The following ZNF469 variants were observed in gnomAD, a reference collection of about 807,000 sequenced individuals.
ZNF469 encodes the protein zinc finger protein 469.
ZNF469 carries 1 observed loss-of-function variant against 1.0 expected under a neutral mutation model. That is an observed-to-expected ratio of 1.00 (90% CI 0.35 to 4.73). ZNF469 has a LOEUF of 4.73. ZNF469 is among the 30% of genes most tolerant of loss of function. The probability of loss-of-function intolerance (pLI) is 0.16; values close to 1 mark genes in which losing one functional copy is unlikely to be tolerated. For missense variants in ZNF469, 6,100 were observed against 5,356.3 expected, an observed-to-expected ratio of 1.14 and a Z score of -4.33; for synonymous variants, 2,703 against 2,363.4, an observed-to-expected ratio of 1.14 and a Z score of -4.17.
rs1395337890 is a variant in ZNF469, at chr16:88,437,632, CACGGGCTGCTGG to C, written c.10164_10175del (p.His3388_Glu3392delinsGln). ...GCTGCTGGCACACCTGGGCGGGGCG[CACGGGCTGCTGG>C]AGCGGCCGGAGCTGCAGCACACGCC... is the stretch of plus-strand genomic sequence containing the variant. On this transcript the variant is annotated inframe_deletion, in exon 3 of 3. Coordinates refer to ENST00000565624, the MANE Select transcript of ZNF469 (RefSeq NM_001367624.2). The C allele has an allele frequency of 6.5e-7, 1 of 1,541,740 alleles. No individual in the cohort carries two copies. The highest frequency in any genetic ancestry group is 1.4e-5 in the African/African-American group (1 of 72,724).
chr16:88,117,665 G>A, the ZNF469 span, among the ~76,000 whole-genome samples: 290 of 152,238 alleles, frequency 1.9e-3, 1 homozygote, highest in African/African-American at 6.6e-3. Context: ...TTCACAAACC[G>A]TGGAGGTGCC....
chr16:88,341,298 C>T, the ZNF469 span, among the ~76,000 whole-genome samples: 2 of 152,186 alleles, frequency 1.3e-5, no homozygotes, highest in African/African-American at 4.8e-5. Flanking sequence ...GTCTATTCTC[C>T]AGGGCCCAGG....
At chr16:88,217,062 T>C in the ZNF469 span, among the ~76,000 whole-genome samples, 3 of 152,258 alleles carry the variant, frequency 2.0e-5, no homozygotes, top group Non-Finnish European at 2.9e-5. Flanking sequence ...ATCTGGATCA[T>C]CTCTGTATCT....
At chr16:88,121,728 C>T in the ZNF469 span, among the ~76,000 whole-genome samples, 2 of 152,180 alleles carry the variant, frequency 1.3e-5, no homozygotes, top group Non-Finnish European at 2.9e-5. Context: ...CTAAATTGGC[C>T]AGGAGGTTGC....
chr16:88,368,153 C>G, the ZNF469 span, among the ~76,000 whole-genome samples: 1 of 152,266 alleles, frequency 6.6e-6, no homozygotes, highest in South Asian at 2.1e-4. Context: ...CACTGGGCCT[C>G]ACTGCTGCCC....
the ZNF469 span, among the ~76,000 whole-genome samples, chr16:88,151,494 C>T: frequency 6.6e-6 from 1 of 152,216 alleles, no homozygotes; most frequent in Non-Finnish European, 1.5e-5. This position sits in a 1 kb window ranked among gnomAD's most constrained non-coding sequence, Gnocchi z 5.4. Flanking sequence ...CACCTGTAAG[C>T]GACTGTCCAA....
At chr16:88,293,947 G>C in the ZNF469 span, among the ~76,000 whole-genome samples, 1 of 152,192 alleles carries the variant, frequency 6.6e-6, no homozygotes, top group African/African-American at 2.4e-5. Context: ...GGAACGGTGT[G>C]AAGACCACGA....
the ZNF469 span, among the ~76,000 whole-genome samples, chr16:88,202,896 G>T: frequency 6.6e-6 from 1 of 152,160 alleles, no homozygotes; most frequent in Non-Finnish European, 1.5e-5. Context: ...GTGGCCTTGA[G>T]GGCTGGAGGT....
At chr16:88,426,890 C>T (rs893480374) in intron 2 of ZNF469, among the ~76,000 whole-genome samples, 1 of 152,176 alleles carries the variant, frequency 6.6e-6, no homozygotes, top group African/African-American at 2.4e-5. Context: ...AAGGCCCTCC[C>T]CATGGCAGGT....
At chr16:88,159,858 GAT>G in the ZNF469 span, among the ~76,000 whole-genome samples, 1 of 152,206 alleles carries the variant, frequency 6.6e-6, no homozygotes, top group Non-Finnish European at 1.5e-5. Context: ...GTCCCTGAGG[GAT>G]AAGAGAGTGA....
the ZNF469 span, among the ~76,000 whole-genome samples, chr16:88,115,297 T>C: frequency 6.6e-6 from 1 of 152,122 alleles, no homozygotes; most frequent in Non-Finnish European, 1.5e-5. Context: ...GCAATAGATA[T>C]ATATTATTTT....
the ZNF469 span, among the ~76,000 whole-genome samples, chr16:88,308,255 G>A: frequency 6.6e-6 from 1 of 152,178 alleles, no homozygotes; most frequent in Non-Finnish European, 1.5e-5. Context: ...CTTTGAAAGT[G>A]GGATGCGTGA....
the ZNF469 span, among the ~76,000 whole-genome samples, chr16:88,305,428 TCA>T: frequency 1.9e-5 from 2 of 106,636 alleles, no homozygotes; most frequent in African/African-American, 7.6e-5. Context: ...ATGCACGCCC[TCA>T]CACACGTGCA....
chr16:88,391,248 G>C (rs1229797434), intron 1 of ZNF469, among the ~76,000 whole-genome samples: 1 of 152,254 alleles, frequency 6.6e-6, no homozygotes, highest in Non-Finnish European at 1.5e-5. Flanking sequence ...CAGGGTCTGG[G>C]TGCCAGCACC....
chr16:88,380,814 CCA>C (rs1202608693), upstream of ZNF469, among the ~76,000 whole-genome samples: 15 of 86,366 alleles, frequency 1.7e-4, no homozygotes, highest in East Asian at 4.5e-4. Context: ...GCACACACAC[CCA>C]GACACACACA....
the ZNF469 span, among the ~76,000 whole-genome samples, chr16:88,310,265 G>A: frequency 1.3e-5 from 2 of 152,186 alleles, no homozygotes; most frequent in African/African-American, 4.8e-5. Context: ...GGCAGGAGAG[G>A]TTGGGGGAGG....
chr16:88,303,736 A>G, the ZNF469 span, among the ~76,000 whole-genome samples: 7 of 152,064 alleles, frequency 4.6e-5, no homozygotes, highest in African/African-American at 9.7e-5. Flanking sequence ...TCTTCAGAAC[A>G]TGTTTGACTC....
the ZNF469 span, among the ~76,000 whole-genome samples, chr16:88,192,775 ATGG>A: frequency 5.3e-4 from 60 of 112,280 alleles, 1 homozygote; most frequent in South Asian, 2.7e-3. Context: ...GATGGTGATG[ATGG>A]TGGTGATAGT....
the ZNF469 span, among the ~76,000 whole-genome samples, chr16:88,196,906 C>T: frequency 0.021 from 3,191 of 152,242 alleles, 73 homozygotes; most frequent in South Asian, 0.059. Context: ...GCATGAGGAG[C>T]GCTGCTTATG....
Sources: gnomAD v4.1 joint callset for allele counts (sites outside exome capture counted in the v4.1 genomes callset) on GRCh38, gnomAD v4.1.1 for gene constraint, Gnocchi (gnomAD v3.1) non-coding constraint, MANE v1.5 for transcripts, NCBI Gene and HGNC (gene_info 2026-07-23, HGNC 2026-07-21) for gene names.